The following SEC14L5 variants were observed in gnomAD, a reference collection of about 807,000 sequenced individuals.
SEC14L5 encodes SEC14-like protein 5.
A neutral mutation model predicts 84.6 loss-of-function variants in SEC14L5; 96 were observed. The ratio of observed to expected loss-of-function variants is 1.13; its 90% confidence interval spans 0.96 to 1.34. The LOEUF is 1.34. SEC14L5 is among the 40% of genes most tolerant of loss of function. The probability of loss-of-function intolerance (pLI) is 0.00; values close to 1 mark genes in which losing one functional copy is unlikely to be tolerated. For missense variants in SEC14L5, 1,224 were observed against 942.5 expected (o/e 1.30, Z -3.91); for synonymous variants, 546 against 383.4 (o/e 1.42, Z -4.95).
Position 5,015,001 on chromosome 16 carries a change from G to A in SEC14L5, c.*31G>A, listed in dbSNP as rs778569910. 7.9e-6 allele frequency: 12 copies of A among 1,518,456 alleles called. No individual in the cohort carries two copies. The highest frequency in any genetic ancestry group is 1.7e-5 in the Admixed American group (1 of 59,554). 94.1% of individuals were successfully genotyped at this position (1,518,456 alleles called of 1,614,324 possible). On this transcript the variant is annotated 3_prime_UTR_variant, in exon 16 of 16. Coordinates refer to ENST00000251170, the MANE Select transcript of SEC14L5 (RefSeq NM_014692.2). Reference sequence around the variant, plus strand: ...CCCAGTGTTTCAGGGCCGCCCGCTCGCCTCCAGTGTCCAGAAATGTCCAGA... The same window carrying A: ...CCCAGTGTTTCAGGGCCGCCCGCTCACCTCCAGTGTCCAGAAATGTCCAGA...
chr16:5,008,504 C>G lies in SEC14L5; in HGVS notation c.1656C>G (p.Tyr552Ter). 1 of 1,611,928 alleles carries G rather than the reference C, an allele frequency of 6.2e-7. No individual in the cohort carries two copies. The highest frequency in any genetic ancestry group is 8.5e-7 in the Non-Finnish European group (1 of 1,179,158). The change falls in exon 14 of 16, where the codon TAC becomes TAG. Residue 552 changes from tyrosine to a stop codon, truncating the protein, a stop_gained. Transcript: ENST00000251170. LOFTEE classifies it high-confidence loss of function. ...ILRGDVVFSL[Y>*]HTKQAPRLGA... The stretch of plus-strand genomic sequence containing the variant: ...GAGGGGACGTGGTGTTCAGCCTGTA[C>G]CACACCAAGCAGGCGCCCAGGCTGG...
At chr16:5,005,705 C>CA (rs376297660) in intron 11 of SEC14L5, among the ~76,000 whole-genome samples, 65 of 148,166 alleles carry the variant, frequency 4.4e-4, no homozygotes, top group African/African-American at 1.5e-3. Context: ...ACTAAAAATA[C>CA]AAAAAAAAAT....
At chr16:4,967,311 C>T (rs1229165080) in intron 2 of SEC14L5, among the ~76,000 whole-genome samples, 4 of 152,070 alleles carry the variant, frequency 2.6e-5, no homozygotes, top group Non-Finnish European at 4.4e-5. Flanking sequence ...TCCAGATTTC[C>T]GTTTTTTTAT....
In SEC14L5 at chr16:5,016,131, G is replaced by A. The variant is rs982181414; in HGVS notation, c.*1161G>A. 8 of 152,226 alleles carry A rather than the reference G, an allele frequency of 5.3e-5. No individual in the cohort carries two copies. The highest frequency in any genetic ancestry group is 1.3e-4 in the Admixed American group (2 of 15,288). The allele number at this position is 152,226 out of a possible 1,614,324, so 9.4% of individuals were successfully genotyped here. Reference sequence around the variant, plus strand: ...GCTAGATCCAGGGTCTCAACATGGAGTCTCGATTCCCCCCGCGAGTGGAGG... The same window carrying A: ...GCTAGATCCAGGGTCTCAACATGGAATCTCGATTCCCCCCGCGAGTGGAGG... On this transcript the variant is annotated 3_prime_UTR_variant, in exon 16 of 16. Transcript: ENST00000251170.
chr16:4,999,171 C>T (rs1955648310), intron 8 of SEC14L5, among the ~76,000 whole-genome samples: 1 of 152,152 alleles, frequency 6.6e-6, no homozygotes, highest in Non-Finnish European at 1.5e-5. Flanking sequence ...CCTAGCTTTC[C>T]TAAGGATGAG....
chr16:4,978,846 C>CCG (rs891736744), intron 2 of SEC14L5, among the ~76,000 whole-genome samples: 17 of 152,270 alleles, frequency 1.1e-4, no homozygotes, highest in Non-Finnish European at 1.8e-4. Context: ...CGTGATCTGC[C>CCG]CGCCTTGGCC....
chr16:4,969,271 G>A (rs1389420425), intron 2 of SEC14L5, among the ~76,000 whole-genome samples: 1 of 152,218 alleles, frequency 6.6e-6, no homozygotes, highest in African/African-American at 2.4e-5. Context: ...ATGCATGTGT[G>A]CATTCCACAA....
chr16:5,001,906 G>C (rs1955682173), intron 10 of SEC14L5, among the ~76,000 whole-genome samples: 1 of 152,064 alleles, frequency 6.6e-6, no homozygotes, highest in Non-Finnish European at 1.5e-5. Flanking sequence ...CCAAGCAGCG[G>C]GGACTATAAA....
intron 2 of SEC14L5, among the ~76,000 whole-genome samples, chr16:4,982,123 G>C (rs2142496608): frequency 6.6e-6 from 1 of 152,246 alleles, no homozygotes; most frequent in East Asian, 1.9e-4. Context: ...CTGTCCTCCT[G>C]GCCCTGGTGG....
chr16:4,971,814 C>T (rs1955283951), intron 2 of SEC14L5, among the ~76,000 whole-genome samples: 1 of 152,146 alleles, frequency 6.6e-6, no homozygotes, highest in Non-Finnish European at 1.5e-5. Context: ...TTCACTCATT[C>T]CTTCCTCCTT....
chr16:5,001,407 C>T (rs1410475559), intron 10 of SEC14L5, among the ~76,000 whole-genome samples: 15 of 152,066 alleles, frequency 9.9e-5, no homozygotes, highest in Admixed American at 2.0e-4. Context: ...TACAGGCACC[C>T]GCCACCACGC....
At chr16:4,965,517 C>G (rs535016335) in intron 2 of SEC14L5, among the ~76,000 whole-genome samples, 1 of 151,136 alleles carries the variant, frequency 6.6e-6, no homozygotes, top group Admixed American at 6.6e-5. Flanking sequence ...AAAAATTAGC[C>G]GGGTGTGGTG....
At chr16:5,012,462 AGGT>A (rs1955816500) in intron 15 of SEC14L5, among the ~76,000 whole-genome samples, 1 of 152,224 alleles carries the variant, frequency 6.6e-6, no homozygotes, top group Non-Finnish European at 1.5e-5. Context: ...CTCAGGGGGC[AGGT>A]GGTGGCTCGG....
chr16:4,963,920 C>T (rs1217758556), intron 2 of SEC14L5, among the ~76,000 whole-genome samples: 1 of 152,190 alleles, frequency 6.6e-6, no homozygotes, highest in African/African-American at 2.4e-5. Context: ...CTCCTGGGCT[C>T]AAGTGATCCT....
In SEC14L5 at chr16:5,014,931, C is replaced by T. The variant is rs2142540711; in HGVS notation, c.2052C>T (p.Ser684=). Residue 684 remains serine, a synonymous_variant, in exon 16 of 16, where the codon TCC becomes TCT. Coordinates refer to ENST00000251170, the MANE Select transcript of SEC14L5 (RefSeq NM_014692.2). The stretch of plus-strand genomic sequence containing the variant: ...TCAGCGCCGCCACCTCGTCCTCCTC[C>T]TCCGGCCAGTCTCATAGCAGCTCCC... ...SQLSAATSSS[S]SGQSHSSSLV... is the part of the protein sequence containing the mutation. 2 of 1,612,772 alleles carry T rather than the reference C, an allele frequency of 1.2e-6. No individual in the cohort carries two copies. Among genetic ancestry groups the T allele is most frequent in the Admixed American group, 1.7e-5 (1 of 60,030 alleles).
intron 2 of SEC14L5, among the ~76,000 whole-genome samples, chr16:4,985,858 T>C (rs1955480408): frequency 6.6e-6 from 1 of 151,502 alleles, no homozygotes. Context: ...ATGTGCACAG[T>C]CTATATAAAT....
At chr16:4,979,174 G>T (rs1955388800) in intron 2 of SEC14L5, among the ~76,000 whole-genome samples, 1 of 152,160 alleles carries the variant, frequency 6.6e-6, no homozygotes, top group African/African-American at 2.4e-5. Context: ...CACAGGGAGG[G>T]TCAGAAATGG....
intron 2 of SEC14L5, among the ~76,000 whole-genome samples, chr16:4,963,544 C>T (rs1275932514): frequency 6.6e-6 from 1 of 152,238 alleles, no homozygotes; most frequent in Admixed American, 6.5e-5. Context: ...CGGGGTTTCA[C>T]CATGCTGGCC....
rs34483309 is a variant in SEC14L5 at position 4,965,660 on chromosome 16, C to CA, written c.63+6303dup. Among the ~76,000 whole-genome samples the CA allele has an allele frequency of 1.3e-3, 71 of 53,112 alleles. 5 individuals carry two copies. The highest frequency in any genetic ancestry group is 4.9e-3 in the African/African-American group (53 of 10,850). The allele number at this position is 53,112 out of a possible 152,430, so 34.8% of individuals were successfully genotyped here. A position where few individuals can be genotyped will look rare whatever the true frequency, so the allele number is the denominator to read the frequency against. ...TGGGCAAAAGAGCAAGACTCCATCT[C>CA]AAAAAAAAAAAAAAAAAAAAAAAAA... On this transcript the variant is annotated intron_variant, in intron 2 of 15. Transcript: ENST00000251170.
Sources: gnomAD v4.1 joint callset for allele counts (sites outside exome capture counted in the v4.1 genomes callset) on GRCh38, gnomAD v4.1.1 for gene constraint, MANE v1.5 for transcripts, NCBI Gene and HGNC (gene_info 2026-07-23, HGNC 2026-07-21) for gene names.